LINC00305: variants seen among roughly 807,000 people sequenced by gnomAD.
The protein encoded by LINC00305 is long independently transcribed non-coding RNA 305.
intron 1 of LINC00305, among the ~76,000 whole-genome samples, chr18:64,124,731 A>G (rs563962845): frequency 6.6e-6 from 1 of 152,250 alleles, no homozygotes; most frequent in East Asian, 1.9e-4. Flanking sequence ...TGTATCAGGC[A>G]CTGAATTAAG....
intron 1 of LINC00305, among the ~76,000 whole-genome samples, chr18:64,124,610 G>GAA (rs199520122): frequency 0.012 from 1,766 of 152,184 alleles, 41 homozygotes; most frequent in African/African-American, 0.04. Flanking sequence ...AAAATGCTAA[G>GAA]AAAATGTTTG....
chr18:64,143,544 TACACATATTATGTGTACATATATAC>T (rs1568119977), intron 1 of LINC00305, among the ~76,000 whole-genome samples: 88 of 127,440 alleles, frequency 6.9e-4, no homozygotes, highest in African/African-American at 2.5e-3. Context: ...CATATATATG[TACACATATTATGTGTACATATATAC>T]ACATATGTAT....
Position 64,107,643 on chromosome 18 carries a change from G to T in LINC00305, n.315-9003C>A, listed in dbSNP as rs2051296853. Among the ~76,000 whole-genome samples the T allele has an allele frequency of 2.0e-5, 3 of 152,298 alleles. No individual in the cohort carries two copies. In the South Asian group the frequency reaches 6.2e-4, roughly 32 times the overall value. ...GGTTTAGAGAATAGAAACCAGGCTT[G>T]CCCAAGTACAGAAATATACTCATTC... On this transcript the variant is annotated intron_variant and non_coding_transcript_variant, in intron 1 of 3. Transcript: ENST00000666468.
intron 1 of LINC00305, among the ~76,000 whole-genome samples, chr18:64,148,396 A>G (rs2051508319): frequency 1.2e-5 from 1 of 85,072 alleles, no homozygotes; most frequent in African/African-American, 4.4e-5. Flanking sequence ...TGCTCCTAAT[A>G]AGAAAAATGC....
At chr18:64,111,679 GA>G (rs1568110237) in intron 1 of LINC00305, among the ~76,000 whole-genome samples, 4 of 152,114 alleles carry the variant, frequency 2.6e-5, no homozygotes. Context: ...GGTGGGAGTA[GA>G]ACCAGGTGGT....
intron 1 of LINC00305, among the ~76,000 whole-genome samples, chr18:64,114,918 A>C (rs2051331169): frequency 1.3e-5 from 2 of 152,208 alleles, no homozygotes. Context: ...ATAAACGAAA[A>C]TATACATAAA....
At chr18:64,123,273 G>A (rs369786944) in intron 1 of LINC00305, among the ~76,000 whole-genome samples, 1 of 151,972 alleles carries the variant, frequency 6.6e-6, no homozygotes, top group African/African-American at 2.4e-5. Flanking sequence ...AACTTCCCTA[G>A]TTTATCTCTT....
At chr18:64,127,338 C>T (rs181760047) in intron 1 of LINC00305, 9 of 152,152 alleles carry the variant, frequency 5.9e-5, no homozygotes, top group African/African-American at 2.2e-4. Context: ...ACTTATTAAC[C>T]TCTCACAATA....
intron 1 of LINC00305, among the ~76,000 whole-genome samples, chr18:64,145,669 G>A (rs2051494131): frequency 6.6e-6 from 1 of 152,112 alleles, no homozygotes; most frequent in Non-Finnish European, 1.5e-5. Flanking sequence ...ACCTGCCTTG[G>A]CCTCCCAAAG....
Position 64,086,266 on chromosome 18 carries a change from A to G in LINC00305, n.541-5864T>C, listed in dbSNP as rs1466247742. ...TGTAATCCATTAAGCTTTGAAGTTC[A>G]TAAAGATGCTATTGCATTTTTGCCA... On this transcript the variant is annotated intron_variant and non_coding_transcript_variant, in intron 3 of 3. Coordinates refer to ENST00000666468, the Ensembl canonical transcript of LINC00305. 2.0e-5 allele frequency among the ~76,000 whole-genome samples: 3 copies of G among 152,340 alleles called. No individual in the cohort carries two copies. The East Asian group carries it at 5.8e-4, about 29-fold the overall frequency.
At chr18:64,134,964 TA>T (rs1418101598) in intron 1 of LINC00305, among the ~76,000 whole-genome samples, 1 of 152,218 alleles carries the variant, frequency 6.6e-6, no homozygotes, top group Non-Finnish European at 1.5e-5. Context: ...GCTGCTGTAA[TA>T]AAGTACCACA....
chr18:64,136,437 A>G (rs2051434336), intron 1 of LINC00305, among the ~76,000 whole-genome samples: 1 of 152,172 alleles, frequency 6.6e-6, no homozygotes, highest in Non-Finnish European at 1.5e-5. Flanking sequence ...AGGGCGGCAG[A>G]AGAGAGAATG....
At chr18:64,126,339 A>C (rs1359094452) in intron 1 of LINC00305, among the ~76,000 whole-genome samples, 2 of 152,110 alleles carry the variant, frequency 1.3e-5, no homozygotes, top group Admixed American at 6.6e-5. Context: ...TTCTGCAATG[A>C]ACATACTTTC....
At chr18:64,113,572 C>A (rs1296840438) in intron 1 of LINC00305, among the ~76,000 whole-genome samples, 1 of 152,194 alleles carries the variant, frequency 6.6e-6, no homozygotes, top group Admixed American at 6.5e-5. Context: ...AAGTTAGTTA[C>A]ACTGCCCATG....
At chr18:64,113,636 G>A (rs1045642400) in intron 1 of LINC00305, among the ~76,000 whole-genome samples, 26 of 152,136 alleles carry the variant, frequency 1.7e-4, no homozygotes, top group Non-Finnish European at 5.9e-5. Flanking sequence ...AAAGGCGTAA[G>A]TGCTGTATTT....
intron 1 of LINC00305, among the ~76,000 whole-genome samples, chr18:64,133,781 A>G (rs1238101962): frequency 6.6e-6 from 1 of 152,160 alleles, no homozygotes. Context: ...ATTTCATAGA[A>G]CAACAAAAAA....
chr18:64,144,140 T>A (rs1411299538), intron 1 of LINC00305, among the ~76,000 whole-genome samples: 1 of 152,208 alleles, frequency 6.6e-6, no homozygotes, highest in Non-Finnish European at 1.5e-5. Context: ...CTTCTATTAA[T>A]ATCTACCTTG....
intron 1 of LINC00305, among the ~76,000 whole-genome samples, chr18:64,145,746 C>G (rs1477719893): frequency 6.6e-6 from 1 of 152,106 alleles, no homozygotes; most frequent in Non-Finnish European, 1.5e-5. Context: ...CTGTGTTGCT[C>G]TAAGCCACTA....
chr18:64,131,098 T>C (rs1419789343), intron 1 of LINC00305, among the ~76,000 whole-genome samples: 2 of 152,206 alleles, frequency 1.3e-5, no homozygotes, highest in Non-Finnish European at 2.9e-5. Context: ...TCCTGTGTTG[T>C]GCTATTATGT....
Sources: allele counts gnomAD v4.1 joint callset (sites outside exome capture counted in the v4.1 genomes callset), GRCh38; gene constraint gnomAD v4.1.1; transcripts MANE v1.5; gene names NCBI Gene and HGNC (gene_info 2026-07-23, HGNC 2026-07-21).